The following FHAD1 variants were observed in gnomAD, a reference collection of about 807,000 sequenced individuals.
The protein encoded by FHAD1 is forkhead-associated domain-containing protein 1.
In FHAD1, 146 loss-of-function variants were observed where a neutral mutation model predicts 191.3. That is an observed-to-expected ratio of 0.76 (90% CI 0.67 to 0.88). The LOEUF is 0.88. FHAD1 is among the 40% of genes least tolerant of loss of function. The pLI is 0.00. For missense variants in FHAD1, 1,635 were observed against 1,785.8 expected, an observed-to-expected ratio of 0.92 and a Z score of 1.52; for synonymous variants, 616 against 672.3, an observed-to-expected ratio of 0.92 and a Z score of 1.29.
At chr1:15,391,747 A>G (rs1175714768) in intron 33 of FHAD1, among the ~76,000 whole-genome samples, 2 of 152,248 alleles carry the variant, frequency 1.3e-5, no homozygotes, top group African/African-American at 4.8e-5. Context: ...TATTCTATGC[A>G]AGGGACATTT....
At chr1:15,376,538 A>G (rs1198163613) in intron 28 of FHAD1, among the ~76,000 whole-genome samples, 2 of 152,196 alleles carry the variant, frequency 1.3e-5, no homozygotes, top group African/African-American at 2.4e-5. Context: ...AGAGCACACA[A>G]GTTCCTAGAG....
In FHAD1 at chr1:15,327,410, G is replaced by A. The variant is rs546928694; in HGVS notation, c.1557+268G>A. On this transcript the variant is annotated intron_variant, in intron 12 of 33. Transcript: ENST00000688493. This position sits in a 1 kb window ranked among gnomAD's most constrained non-coding sequence, Gnocchi z 5.1. ...TCTGGTCTCCAGACATGCATGTTTC[G>A]CCTCCATTAGCACTGGGAGAAAGGG... 17 of 365,384 alleles carry A rather than the reference G, an allele frequency of 4.7e-5. 1 individual carries two copies. The highest frequency in any genetic ancestry group is 2.2e-4 in the South Asian group (5 of 22,602). The allele number at this position is 365,384 out of a possible 1,614,324, so 22.6% of individuals were successfully genotyped here. A position where few individuals can be genotyped will look rare whatever the true frequency, so the allele number is the denominator to read the frequency against.
chr1:15,377,792 A>G (rs765194772), intron 28 of FHAD1, among the ~76,000 whole-genome samples: 4 of 151,982 alleles, frequency 2.6e-5, no homozygotes, highest in Non-Finnish European at 5.9e-5. Flanking sequence ...AGATCACATG[A>G]TTGCACTCTG....
chr1:15,278,616 G>A (rs1373562837), intron 3 of FHAD1, among the ~76,000 whole-genome samples: 1 of 151,910 alleles, frequency 6.6e-6, no homozygotes, highest in Non-Finnish European at 1.5e-5. Context: ...TGGAATTACA[G>A]GTGTGTGCCA....
intron 6 of FHAD1, among the ~76,000 whole-genome samples, chr1:15,302,821 A>G (rs1392060886): frequency 6.6e-6 from 1 of 152,146 alleles, no homozygotes; most frequent in Non-Finnish European, 1.5e-5. Flanking sequence ...CATGCTGGTT[A>G]AACTGTGGAC....
intron 14 of FHAD1, among the ~76,000 whole-genome samples, chr1:15,337,427 G>T (rs1299542236): frequency 6.6e-6 from 1 of 152,140 alleles, no homozygotes; most frequent in Non-Finnish European, 1.5e-5. Flanking sequence ...TCAGTTAGAG[G>T]ATCAGCACTG....
chr1:15,343,642 C>T (rs1687710199), intron 16 of FHAD1: 1 of 152,178 alleles, frequency 6.6e-6, no homozygotes, highest in Non-Finnish European at 1.5e-5. Context: ...AGCCATCTGA[C>T]CAAATCATGT....
intron 8 of FHAD1, chr1:15,315,174 T>C (rs562557391): frequency 6.6e-6 from 1 of 152,046 alleles, no homozygotes; most frequent in Non-Finnish European, 1.5e-5. Flanking sequence ...CTGTGTTAAT[T>C]TTAGAATAAA....
chr1:15,374,728 T>A (rs909011745), intron 27 of FHAD1, 97 bp downstream of exon 27: 7 of 1,461,358 alleles, frequency 4.8e-6, no homozygotes, highest in African/African-American at 1.4e-5. Context: ...TTTATCTGCA[T>A]CATCCCAGAA....
At chr1:15,341,930 T>G (rs1410740587) in intron 16 of FHAD1, 42 bp downstream of exon 16, 1 of 1,526,224 alleles carries the variant, frequency 6.6e-7, no homozygotes, top group East Asian at 2.5e-5. Context: ...TGGAAACTGA[T>G]GAAATGGCCT....
chr1:15,397,268 TTG>T, intron 33 of FHAD1, 27 bp from the exon 34 acceptor site: 3 of 1,104,234 alleles, frequency 2.7e-6, no homozygotes, highest in Non-Finnish European at 4.0e-6. Flanking sequence ...GCAATGGAGT[TTG>T]TGTGTTTTTT....
At chr1:15,350,805 C>T (rs1047124819) in intron 19 of FHAD1, among the ~76,000 whole-genome samples, 1 of 152,102 alleles carries the variant, frequency 6.6e-6, no homozygotes, top group African/African-American at 2.4e-5. Context: ...GTGGGCACAG[C>T]AGGGTGGGGG....
At chr1:15,296,096 G>C (rs952524858) in intron 4 of FHAD1, among the ~76,000 whole-genome samples, 4 of 152,138 alleles carry the variant, frequency 2.6e-5, no homozygotes, top group African/African-American at 9.7e-5. Context: ...AAGATCACCA[G>C]CTCTTCTGTG....
chr1:15,244,411 C>T (rs1376724770), upstream of FHAD1, among the ~76,000 whole-genome samples: 1 of 152,172 alleles, frequency 6.6e-6, no homozygotes, highest in African/African-American at 2.4e-5. The surrounding 1 kb of genome is among the most constrained non-coding windows in gnomAD (Gnocchi z 5.1). Context: ...GCTGTTCCAG[C>T]TCATGGCCAG....
At chr1:15,346,842 C>T (rs570846580) in intron 18 of FHAD1, among the ~76,000 whole-genome samples, 1 of 152,342 alleles carries the variant, frequency 6.6e-6, no homozygotes, top group Non-Finnish European at 1.5e-5. Flanking sequence ...CCTCCCTTCT[C>T]GAAGGGGCGG....
chr1:15,373,506 C>T lies in FHAD1; in HGVS notation c.3448-996C>T, dbSNP rs577008300. Among the ~76,000 whole-genome samples the T allele has an allele frequency of 6.2e-5, 8 of 130,050 alleles. No homozygotes were observed. The South Asian group carries it at 1.5e-3, about 24-fold the overall frequency. 85.3% of individuals were successfully genotyped at this position (130,050 alleles called of 152,430 possible). A position where few individuals can be genotyped will look rare whatever the true frequency, so the allele number is the denominator to read the frequency against. ...TAGCCTGGGCGACAGAGCAAGACTC[C>T]GTCAAAAAAAAAAAATGGTGAAAAA... is the stretch of plus-strand genomic sequence containing the variant. On this transcript the variant is annotated intron_variant, in intron 26 of 33. Coordinates refer to ENST00000688493, the MANE Select transcript of FHAD1 (RefSeq NM_001391957.1).
Position 15,357,982 on chromosome 1 carries a change from G to A in FHAD1, c.2563-128G>A, listed in dbSNP as rs939518633. On this transcript the variant is annotated intron_variant, in intron 20 of 33. Transcript: ENST00000688493. ...CTTCCAGAGAAGGCATGGACTTTGT[G>A]CTTTAAAAGAATCGACAGAATAATT... is the stretch of plus-strand genomic sequence containing the variant. The A allele has an allele frequency of 1.3e-5, 9 of 666,708 alleles. No homozygotes were observed. In the African/African-American group the frequency reaches 1.7e-4, roughly 13 times the overall value. The allele number at this position is 666,708 out of a possible 1,614,324, so 41.3% of individuals were successfully genotyped here.
At chr1:15,348,374 T>G (rs1261030601) in intron 18 of FHAD1, among the ~76,000 whole-genome samples, 1 of 152,208 alleles carries the variant, frequency 6.6e-6, no homozygotes, top group Non-Finnish European at 1.5e-5. Context: ...TCATGGTGAC[T>G]GGAAACAGGC....
chr1:15,263,337 T>C (rs1651901719), intron 2 of FHAD1, among the ~76,000 whole-genome samples: 1 of 152,106 alleles, frequency 6.6e-6, no homozygotes, highest in Non-Finnish European at 1.5e-5. Flanking sequence ...TTTACTTTTG[T>C]TGCCTGTGTT....
Sources: allele counts gnomAD v4.1 joint callset (sites outside exome capture counted in the v4.1 genomes callset), GRCh38; gene constraint gnomAD v4.1.1; non-coding constraint Gnocchi (gnomAD v3.1); transcripts MANE v1.5; gene names NCBI Gene and HGNC (gene_info 2026-07-23, HGNC 2026-07-21).